Variants in TTC17 observed in about 807,000 individuals in gnomAD.
The protein encoded by TTC17 is tetratricopeptide repeat protein 17.
Under a neutral mutation model 143.8 loss-of-function variants are expected in TTC17, and 58 were observed. The observed-to-expected ratio is 0.40, with a 90% confidence interval of 0.33 to 0.50. The LOEUF (loss-of-function observed/expected upper bound fraction) is 0.50. Ranked by LOEUF, TTC17 falls within the 20% of genes least tolerant of loss-of-function variation. The probability of loss-of-function intolerance (pLI) is 0.49; values close to 1 mark genes in which losing one functional copy is unlikely to be tolerated. For synonymous variants in TTC17, 501 were observed against 497.8 expected (o/e 1.01, Z -0.09); for missense variants, 1,273 against 1,392.5 (o/e 0.91, Z 1.37).
intron 2 of TTC17, among the ~76,000 whole-genome samples, chr11:43,382,263 G>C (rs1856998898): frequency 6.6e-6 from 1 of 152,178 alleles, no homozygotes; most frequent in South Asian, 2.1e-4. Flanking sequence ...CCTCACTTCA[G>C]CTGAAAGAAA....
chr11:43,362,796 G>A (rs1160744601), intron 1 of TTC17, among the ~76,000 whole-genome samples: 1 of 152,162 alleles, frequency 6.6e-6, no homozygotes, highest in Non-Finnish European at 1.5e-5. Context: ...CAGCTAGGAA[G>A]CATACCTTCC....
At chr11:43,401,398 C>CATT in intron 9 of TTC17, 48 bp from the exon 10 acceptor site, 1 of 1,301,936 alleles carries the variant, frequency 7.7e-7, no homozygotes, top group Non-Finnish European at 1.1e-6. Flanking sequence ...ATCACATTGG[C>CATT]ATTGTTGACC....
chr11:43,369,346 TAAC>T (rs1279941060), intron 1 of TTC17, among the ~76,000 whole-genome samples: 7 of 152,198 alleles, frequency 4.6e-5, no homozygotes, highest in African/African-American at 1.4e-4. Context: ...CAAATCTAGA[TAAC>T]AACTGTGCAA....
At chr11:43,458,027 AG>A (rs1174706564) in intron 21 of TTC17, among the ~76,000 whole-genome samples, 5 of 152,188 alleles carry the variant, frequency 3.3e-5, no homozygotes, top group African/African-American at 1.2e-4. Flanking sequence ...AAGAGCCAGG[AG>A]GAAAAATATT....
chr11:43,469,270 G>A (rs562274820), intron 21 of TTC17, among the ~76,000 whole-genome samples: 1 of 152,210 alleles, frequency 6.6e-6, no homozygotes, highest in Non-Finnish European at 1.5e-5. Context: ...TGTTGCTAGT[G>A]GGAGTAGAAA....
intron 15 of TTC17, among the ~76,000 whole-genome samples, chr11:43,408,142 T>A (rs1858231108): frequency 1.3e-5 from 2 of 152,162 alleles, no homozygotes; most frequent in Admixed American, 6.6e-5. Flanking sequence ...GATATCAGGA[T>A]GGATGTTATA....
intron 16 of TTC17, among the ~76,000 whole-genome samples, chr11:43,438,635 G>C (rs1348552171): frequency 6.6e-6 from 1 of 152,156 alleles, no homozygotes; most frequent in Admixed American, 6.5e-5. Context: ...AAGACTTTCT[G>C]GAGGAAGATG....
chr11:43,406,789 G>A (rs1311810427), intron 13 of TTC17, among the ~76,000 whole-genome samples: 2 of 152,104 alleles, frequency 1.3e-5, no homozygotes, highest in Non-Finnish European at 2.9e-5. Context: ...TTTCCAGGAA[G>A]GAAAGACAGT....
chr11:43,492,304 T>C (rs141950084), intron 23 of TTC17, 141 bp downstream of exon 23: 2 of 1,170,418 alleles, frequency 1.7e-6, no homozygotes, highest in Non-Finnish European at 2.4e-6. Context: ...AATGTTATAT[T>C]TTATGGATAA....
chr11:43,433,644 G>A (rs1051616644), intron 16 of TTC17, among the ~76,000 whole-genome samples: 2 of 152,178 alleles, frequency 1.3e-5, no homozygotes, highest in East Asian at 1.9e-4. Flanking sequence ...ATATTTTTTC[G>A]TATTGCATAA....
At chr11:43,365,461 G>T (rs1390884373) in intron 1 of TTC17, among the ~76,000 whole-genome samples, 3 of 151,776 alleles carry the variant, frequency 2.0e-5, no homozygotes, top group East Asian at 2.0e-4. Flanking sequence ...TAGAGACGGG[G>T]TTTTGCCATG....
chr11:43,362,237 T>G (rs1209586404), intron 1 of TTC17, among the ~76,000 whole-genome samples: 2 of 151,752 alleles, frequency 1.3e-5, no homozygotes, highest in African/African-American at 4.8e-5. Flanking sequence ...GACAGGCTGG[T>G]CTCAAACTCC....
At chr11:43,377,383 T>TAACATG (rs1856802465) in intron 1 of TTC17, among the ~76,000 whole-genome samples, 6 of 152,214 alleles carry the variant, frequency 3.9e-5, no homozygotes, top group Admixed American at 3.9e-4. Context: ...TATAACTGTA[T>TAACATG]TTACAAAGTT....
chr11:43,416,615 G>T (rs1306717934), intron 16 of TTC17, among the ~76,000 whole-genome samples: 2 of 152,078 alleles, frequency 1.3e-5, no homozygotes, highest in African/African-American at 4.8e-5. Flanking sequence ...AGAGAATTCA[G>T]AGAATATTAT....
intron 21 of TTC17, among the ~76,000 whole-genome samples, chr11:43,452,399 G>GTGAGGCAGGAGAATCAGTGC (rs1947678583): frequency 6.6e-6 from 1 of 152,042 alleles, no homozygotes; most frequent in African/African-American, 2.4e-5. Context: ...ACTTGAGAGA[G>GTGAGGCAGGAGAATCAGTGC]TGAGGCAGGA....
In TTC17 at chr11:43,399,978, A is replaced by G. The variant is rs193192054; in HGVS notation, c.1149A>G (p.Lys383=). 6 of 1,614,026 alleles carry G rather than the reference A, an allele frequency of 3.7e-6. No individual in the cohort carries two copies. The East Asian group carries it at 6.7e-5, about 18-fold the overall frequency. The change falls in exon 9 of 24, where the codon AAA becomes AAG. Residue 383 remains lysine (K), a synonymous_variant. Coordinates refer to ENST00000039989, the MANE Select transcript of TTC17 (RefSeq NM_018259.6). The stretch of plus-strand genomic sequence containing the variant: ...AGCAGGAAATCCTAGAAAAACATAA[A>G]CTGATTCAGGAGGAGCAAATCTTAA... ...LRQQEILEKH[K]LIQEEQILRN...
intron 21 of TTC17, among the ~76,000 whole-genome samples, chr11:43,451,515 C>A (rs999933243): frequency 2.0e-5 from 3 of 152,144 alleles, no homozygotes; most frequent in African/African-American, 4.8e-5. Flanking sequence ...TTCTTTACCC[C>A]AGTATGTGTG....
At chr11:43,422,561 G>A (rs1253619324) in intron 16 of TTC17, among the ~76,000 whole-genome samples, 1 of 152,152 alleles carries the variant, frequency 6.6e-6, no homozygotes, top group Non-Finnish European at 1.5e-5. Flanking sequence ...GGAAGAAAAA[G>A]AGCAATAAAG....
At chr11:43,446,158 A>G (rs1461507142) in intron 18 of TTC17, 2 of 1,325,182 alleles carry the variant, frequency 1.5e-6, no homozygotes, top group Non-Finnish European at 1.9e-6. Flanking sequence ...TGAACCAACC[A>G]TGCTCATGTT....
Sources: gnomAD v4.1 joint callset for allele counts (sites outside exome capture counted in the v4.1 genomes callset) on GRCh38, gnomAD v4.1.1 for gene constraint, MANE v1.5 for transcripts, NCBI Gene and HGNC (gene_info 2026-07-23, HGNC 2026-07-21) for gene names.